The following OR51B5 variants were observed in gnomAD, a reference collection of about 807,000 sequenced individuals.
OR51B5 encodes olfactory receptor 51B5.
For synonymous variants in OR51B5, 186 were observed against 144.8 expected (o/e 1.28, Z -2.04); for missense variants, 456 against 374.6 (o/e 1.22, Z -1.79).
At chr11:5,408,303 ACCT>A (rs948398263) in intron 1 of OR51B5, among the ~76,000 whole-genome samples, 1 of 151,040 alleles carries the variant, frequency 6.6e-6, no homozygotes, top group Non-Finnish European at 1.5e-5. Context: ...ATTAGGAAAA[ACCT>A]CCTAGCTTAA....
intron 1 of OR51B5, among the ~76,000 whole-genome samples, chr11:5,486,494 T>TG (rs72517834): frequency 2.5e-3 from 8 of 3,214 alleles, no homozygotes; most frequent in Admixed American, 9.6e-3. Context: ...GACACGAAAA[T>TG]GTAAGACTCT....
At chr11:5,460,086 G>A (rs768186778) in intron 1 of OR51B5, among the ~76,000 whole-genome samples, 4 of 152,080 alleles carry the variant, frequency 2.6e-5, no homozygotes, top group East Asian at 1.9e-4. Flanking sequence ...ATGAGATCAT[G>A]TCCTTTTCAG....
intron 1 of OR51B5, among the ~76,000 whole-genome samples, chr11:5,426,726 C>T (rs1850455528): frequency 6.6e-6 from 1 of 152,108 alleles, no homozygotes. Context: ...AGCCTCAAAA[C>T]CAAGGTCTCT....
chr11:5,402,666 G>T (rs1379886101), intron 1 of OR51B5: 3 of 471,142 alleles, frequency 6.4e-6, no homozygotes, highest in African/African-American at 2.0e-5. Context: ...CCCAGGGCTG[G>T]AGTCAGAGCA....
chr11:5,385,694 A>G (rs1362611137), intron 1 of OR51B5, among the ~76,000 whole-genome samples: 2 of 101,786 alleles, frequency 2.0e-5, no homozygotes, highest in African/African-American at 4.4e-5. Flanking sequence ...CCTATAATAT[A>G]TATGTTGTAC....
intron 1 of OR51B5, among the ~76,000 whole-genome samples, chr11:5,503,699 A>G (rs1012726871): frequency 2.6e-5 from 4 of 152,226 alleles, no homozygotes; most frequent in African/African-American, 9.6e-5. Flanking sequence ...ATAAAAAGCA[A>G]AGAAACAAAA....
In OR51B5 at chr11:5,414,624, G is replaced by T. The variant is rs932916348; in HGVS notation, n.85-67714C>A. 3.0e-3 allele frequency among the ~76,000 whole-genome samples: 462 copies of T among 151,944 alleles called. 3 individuals carry two copies. Among genetic ancestry groups the T allele is most frequent in the Admixed American group, 5.6e-3 (86 of 15,260 alleles). Reference sequence around the variant, plus strand: ...AAATGGAAAACAAAAAAAGGCAGGGGTTGCAATCCTAGTCTCTGATAAAAC... The same window carrying T: ...AAATGGAAAACAAAAAAAGGCAGGGTTTGCAATCCTAGTCTCTGATAAAAC... On this transcript the variant is annotated intron_variant and non_coding_transcript_variant, in intron 1 of 4. Transcript: ENST00000415970.
intron 1 of OR51B5, chr11:5,422,676 T>C (rs1850365846): frequency 6.2e-7 from 1 of 1,613,970 alleles, no homozygotes. Flanking sequence ...CTGGCGGTTC[T>C]TCCCTCCCTT....
chr11:5,420,492 TATTTA>T (rs1478215680), intron 1 of OR51B5, among the ~76,000 whole-genome samples: 2 of 152,012 alleles, frequency 1.3e-5, no homozygotes, highest in Non-Finnish European at 2.9e-5. Flanking sequence ...AATATTGATA[TATTTA>T]ATTTTTGATA....
At chr11:5,453,076 T>C (rs1463481487) in intron 1 of OR51B5, among the ~76,000 whole-genome samples, 5 of 152,232 alleles carry the variant, frequency 3.3e-5, no homozygotes, top group African/African-American at 1.2e-4. Flanking sequence ...TATTTCCAAG[T>C]GCTACTGATA....
At chr11:5,414,396 A>G (rs1442003214) in intron 1 of OR51B5, among the ~76,000 whole-genome samples, 2 of 147,714 alleles carry the variant, frequency 1.4e-5, no homozygotes, top group Non-Finnish European at 3.0e-5. Flanking sequence ...ATAACCAGCT[A>G]ACATCATAAT....
At chr11:5,342,849 T>C in exon 1 of OR51B5, 1 of 1,613,120 alleles carries the variant, frequency 6.2e-7, no homozygotes, top group Non-Finnish European at 8.5e-7. Context: ...CTGGAGGCAA[T>C]GCTCAGGACA....
Position 5,487,043 on chromosome 11 carries a change from T to A in OR51B5, n.84+18526A>T, listed in dbSNP as rs536888842. On this transcript the variant is annotated intron_variant and non_coding_transcript_variant, in intron 1 of 4. Transcript: ENST00000415970. The stretch of plus-strand genomic sequence containing the variant: ...AGATATTAGCCTCATTTGAAAGAGA[T>A]AGGAATTCAAGTATTGGACTTATTA... Among the ~76,000 whole-genome samples the A allele has an allele frequency of 6.2e-4, 95 of 152,256 alleles. 3 individuals carry two copies. In the Middle Eastern group the frequency reaches 0.01, roughly 16 times the overall value.
At chr11:5,368,870 T>A (rs1048151988) in intron 1 of OR51B5, among the ~76,000 whole-genome samples, 1 of 152,210 alleles carries the variant, frequency 6.6e-6, no homozygotes, top group African/African-American at 2.4e-5. Context: ...ACCATTCTTA[T>A]GTGGATTAAG....
intron 1 of OR51B5, among the ~76,000 whole-genome samples, chr11:5,395,664 A>G (rs1321419267): frequency 2.0e-5 from 3 of 152,154 alleles, no homozygotes; most frequent in African/African-American, 7.2e-5. Flanking sequence ...GCCCCATTAA[A>G]CCTAATCATT....
At chr11:5,380,694 C>G (rs1457903433) in intron 1 of OR51B5, among the ~76,000 whole-genome samples, 1 of 152,148 alleles carries the variant, frequency 6.6e-6, no homozygotes, top group Non-Finnish European at 1.5e-5. Context: ...AAACCTATCT[C>G]TCTCCATCAA....
At chr11:5,488,564 A>G (rs975713890) in intron 1 of OR51B5, 1 of 628,326 alleles carries the variant, frequency 1.6e-6, no homozygotes. Flanking sequence ...AGATGTTTGT[A>G]CAAGTGAAAA....
intron 1 of OR51B5, chr11:5,391,323 T>C (rs1849792396): frequency 6.6e-6 from 1 of 152,244 alleles, no homozygotes; most frequent in African/African-American, 2.4e-5. Flanking sequence ...AAGCACCAAA[T>C]GCTCCATCGG....
intron 1 of OR51B5, among the ~76,000 whole-genome samples, chr11:5,473,559 A>G (rs1851261104): frequency 6.6e-6 from 1 of 152,230 alleles, no homozygotes; most frequent in African/African-American, 2.4e-5. Context: ...TTTACTAAGT[A>G]TCTGTGATTC....
Sources: allele counts gnomAD v4.1 joint callset (sites outside exome capture counted in the v4.1 genomes callset), GRCh38; gene constraint gnomAD v4.1.1; transcripts MANE v1.5; gene names NCBI Gene and HGNC (gene_info 2026-07-23, HGNC 2026-07-21).